The following TMEM132D variants were observed in gnomAD, a reference collection of about 807,000 sequenced individuals.
TMEM132D encodes the protein transmembrane protein 132D.
TMEM132D carries 21 observed loss-of-function variants against 62.3 expected under a neutral mutation model. The observed-to-expected ratio is 0.34, with a 90% confidence interval of 0.24 to 0.49. The LOEUF is 0.49. Ranked by LOEUF, TMEM132D falls within the 20% of genes least tolerant of loss-of-function variation. The pLI, the probability that TMEM132D is intolerant of heterozygous loss-of-function variation, is 0.99. For synonymous variants in TMEM132D, 621 were observed against 575.6 expected, an observed-to-expected ratio of 1.08 and a Z score of -1.13; for missense variants, 1,346 against 1,402.8, an observed-to-expected ratio of 0.96 and a Z score of 0.65.
At chr12:129,625,393 G>C (rs1371329635) in intron 2 of TMEM132D, among the ~76,000 whole-genome samples, 1 of 152,118 alleles carries the variant, frequency 6.6e-6, no homozygotes, top group African/African-American at 2.4e-5. Context: ...ACAAAGTATT[G>C]TTCTTTCTTC....
intron 2 of TMEM132D, among the ~76,000 whole-genome samples, chr12:129,583,660 C>T (rs1166863141): frequency 1.3e-5 from 2 of 152,118 alleles, no homozygotes; most frequent in African/African-American, 2.4e-5. Flanking sequence ...ATAACCTGCG[C>T]TATGAGGATA....
chr12:129,500,987 A>G lies in TMEM132D; in HGVS notation c.1115+30072T>C, dbSNP rs527533027. 4.3e-5 allele frequency among the ~76,000 whole-genome samples: 6 copies of G among 139,952 alleles called. No individual in the cohort carries two copies. In the South Asian group the frequency reaches 1.4e-3, roughly 33 times the overall value. The allele number at this position is 139,952 out of a possible 152,430, so 91.8% of individuals were successfully genotyped here. A position where few individuals can be genotyped will look rare whatever the true frequency, so the allele number is the denominator to read the frequency against. On this transcript the variant is annotated intron_variant, in intron 3 of 8. Transcript: ENST00000422113. Reference sequence around the variant, plus strand: ...TAATTTCAATTATAACAGTCTTTACATCTTTCCTGGTCTGTCTTTAGTCTC... The same window carrying G: ...TAATTTCAATTATAACAGTCTTTACGTCTTTCCTGGTCTGTCTTTAGTCTC...
chr12:129,472,219 A>G (rs1428111092), intron 3 of TMEM132D, among the ~76,000 whole-genome samples: 2 of 152,208 alleles, frequency 1.3e-5, no homozygotes, highest in East Asian at 3.9e-4. Flanking sequence ...TTCAAGGGAC[A>G]TGCTGACTCC....
Position 129,867,942 on chromosome 12 carries a change from C to T in TMEM132D, c.79+35319G>A, listed in dbSNP as rs1185051421. Among the ~76,000 whole-genome samples the T allele has an allele frequency of 3.3e-5, 5 of 152,034 alleles. No individual in the cohort carries two copies. Among genetic ancestry groups the T allele is most frequent in the African/African-American group, 7.2e-5 (3 of 41,388 alleles). On this transcript the variant is annotated intron_variant, in intron 1 of 8. Transcript: ENST00000422113. This position sits in a 1 kb window ranked among gnomAD's most constrained non-coding sequence, Gnocchi z 4.5. Reference sequence around the variant, plus strand: ...TAAGACAGCGTTTCTATGGTACACACGAGGCAGTGTTTCTATGGTACACAT... The same window carrying T: ...TAAGACAGCGTTTCTATGGTACACATGAGGCAGTGTTTCTATGGTACACAT...
chr12:129,859,106 G>C (rs897182685), intron 1 of TMEM132D, among the ~76,000 whole-genome samples: 15 of 152,284 alleles, frequency 9.9e-5, no homozygotes, highest in Non-Finnish European at 1.2e-4. Flanking sequence ...AGTCCTGCGG[G>C]AGGGTGTTCA....
chr12:129,847,193 C>G (rs1301539396), intron 1 of TMEM132D, among the ~76,000 whole-genome samples: 1 of 152,194 alleles, frequency 6.6e-6, no homozygotes, highest in Non-Finnish European at 1.5e-5. Flanking sequence ...TGTTTGGCAA[C>G]TGCAACCAAG....
intron 3 of TMEM132D, among the ~76,000 whole-genome samples, chr12:129,529,095 C>G (rs2137087726): frequency 6.6e-6 from 1 of 152,216 alleles, no homozygotes; most frequent in African/African-American, 2.4e-5. Flanking sequence ...TGTGTATAAC[C>G]TTTTTCCATC....
At position 129,122,750 on chromosome 12, in the gene TMEM132D, A is replaced by G. The variant is rs565418620; in HGVS notation, c.1444-38048T>C. On this transcript the variant is annotated intron_variant, in intron 5 of 8. Coordinates refer to ENST00000422113, the MANE Select transcript of TMEM132D (RefSeq NM_133448.3). ...ATATGAAATAATAAATGTACCCTAC[A>G]TTTTCTTTTGTAGTGAGAATTATGC... Among the ~76,000 whole-genome samples the G allele has an allele frequency of 1.2e-3, 185 of 152,328 alleles. 1 individual carries two copies. The highest frequency in any genetic ancestry group is 6.2e-3 in the South Asian group (30 of 4,826).
intron 3 of TMEM132D, among the ~76,000 whole-genome samples, chr12:129,476,771 T>C (rs955355911): frequency 2.6e-5 from 4 of 152,204 alleles, no homozygotes; most frequent in African/African-American, 7.2e-5. Flanking sequence ...GACAATCTCC[T>C]GGCAGATAAA....
chr12:129,472,307 T>C (rs1025516822), intron 3 of TMEM132D, among the ~76,000 whole-genome samples: 4 of 152,152 alleles, frequency 2.6e-5, no homozygotes, highest in Admixed American at 6.5e-5. Context: ...AGCTGGAAAC[T>C]ATCATCCTCA....
Position 129,524,920 on chromosome 12 carries a change from C to CTTTTTTTTTTTTTTTTTTTTTTTTTT in TMEM132D, c.1115+6138_1115+6139insAAAAAAAAAAAAAAAAAAAAAAAAAA, listed in dbSNP as rs761892015. On this transcript the variant is annotated intron_variant, in intron 3 of 8. Transcript: ENST00000422113. The stretch of plus-strand genomic sequence containing the variant: ...CATTTTATTATTTTCATATTTTTTT[C>CTTTTTTTTTTTTTTTTTTTTTTTTTT]TTTTTTCTTTTTTTTTTTTTTTTTG... Among the ~76,000 whole-genome samples, 2 of 92,170 alleles carry CTTTTTTTTTTTTTTTTTTTTTTTTTT rather than the reference C, an allele frequency of 2.2e-5. 1 individual carries two copies. The allele number at this position is 92,170 out of a possible 152,430, so 60.5% of individuals were successfully genotyped here. A position where few individuals can be genotyped will look rare whatever the true frequency, so the allele number is the denominator to read the frequency against.
intron 1 of TMEM132D, among the ~76,000 whole-genome samples, chr12:129,782,877 T>C (rs1871159267): frequency 6.6e-6 from 1 of 152,232 alleles, no homozygotes; most frequent in South Asian, 2.1e-4. Context: ...AGTGGCACCT[T>C]AACACTTTTT....
chr12:129,807,815 C>A (rs760724927), intron 1 of TMEM132D, among the ~76,000 whole-genome samples: 43 of 152,268 alleles, frequency 2.8e-4, no homozygotes, highest in South Asian at 4.1e-4. Flanking sequence ...GTCCAGCCAC[C>A]CTCCATGATT....
intron 3 of TMEM132D, among the ~76,000 whole-genome samples, chr12:129,381,796 C>T (rs80121320): frequency 6.6e-6 from 1 of 152,212 alleles, no homozygotes; most frequent in East Asian, 1.9e-4. Context: ...ATGAATTTCT[C>T]TTGTAATCAG....
chr12:129,789,062 C>T (rs780011602), intron 1 of TMEM132D, among the ~76,000 whole-genome samples: 2 of 152,104 alleles, frequency 1.3e-5, no homozygotes, highest in Non-Finnish European at 2.9e-5. Context: ...CAGGAATCAA[C>T]AATTTTATTT....
Position 129,183,943 on chromosome 12 carries a change from G to A in TMEM132D, c.1443+25577C>T, listed in dbSNP as rs377624892. 8.0e-4 allele frequency among the ~76,000 whole-genome samples: 122 copies of A among 152,270 alleles called. 1 individual carries two copies. The highest frequency in any genetic ancestry group is 2.4e-3 in the African/African-American group (101 of 41,554). On this transcript the variant is annotated intron_variant, in intron 5 of 8. Transcript: ENST00000422113. ...GACCCAACCACTCACTGTTGTCTCC[G>A]AAACAAAGGTGCCTGTCCATTGTTT...
intron 3 of TMEM132D, among the ~76,000 whole-genome samples, chr12:129,442,721 C>A (rs1378031640): frequency 6.6e-6 from 1 of 152,132 alleles, no homozygotes; most frequent in Non-Finnish European, 1.5e-5. Context: ...CCATGCCCAG[C>A]CTCATGTAAG....
chr12:129,285,452 G>A (rs10744408), intron 4 of TMEM132D, among the ~76,000 whole-genome samples: 100,037 of 147,684 alleles, frequency 0.68, 38,284 homozygotes, highest in East Asian at 0.91. Flanking sequence ...GCTTGGACCC[G>A]GGAGGCAGAG....
chr12:129,693,840 G>A (rs1025553840), intron 2 of TMEM132D, among the ~76,000 whole-genome samples: 2 of 152,178 alleles, frequency 1.3e-5, no homozygotes, highest in Non-Finnish European at 2.9e-5. Context: ...TGCGATGTAT[G>A]CGACGTATGA....
Sources: allele counts gnomAD v4.1 joint callset (sites outside exome capture counted in the v4.1 genomes callset), GRCh38; gene constraint gnomAD v4.1.1; non-coding constraint Gnocchi (gnomAD v3.1); transcripts MANE v1.5; gene names NCBI Gene and HGNC (gene_info 2026-07-23, HGNC 2026-07-21).